Variants in PNKD observed in about 807,000 individuals in gnomAD.
PNKD encodes PNKD metallo-beta-lactamase domain containing.
PNKD carries 36 observed loss-of-function variants against 45.3 expected under a neutral mutation model. The observed-to-expected ratio is 0.80, with a 90% CI of 0.61 to 1.05. The LOEUF is 1.05. PNKD is among the 50% of genes least tolerant of loss of function. The probability of loss-of-function intolerance (pLI) is 0.00; values close to 1 mark genes in which losing one functional copy is unlikely to be tolerated. For synonymous variants in PNKD, 197 were observed against 210.1 expected (o/e 0.94, Z 0.54); for missense variants, 511 against 506.6 (o/e 1.01, Z -0.08).
intron 2 of PNKD, among the ~76,000 whole-genome samples, chr2:218,300,953 A>G (rs1171147043): frequency 6.6e-6 from 1 of 152,204 alleles, no homozygotes; most frequent in Non-Finnish European, 1.5e-5. Flanking sequence ...GAAATATAGG[A>G]TCTGTATTTA....
In PNKD at chr2:218,271,407, A is replaced by G; in HGVS notation, c.94A>G (p.Lys32Glu). The change falls in exon 2 of 10, where the codon AAG becomes GAG. Residue 32 changes from lysine (K) to glutamate (E), a missense_variant. By Grantham distance (56) the Lys-to-Glu change is moderately conservative (BLOSUM62 1). Coordinates refer to ENST00000273077, the MANE Select transcript of PNKD (RefSeq NM_015488.5). ...GATTCTCGCAGGAGCCACAGCTAAC[A>G]AGGCTTCTCATAACAGGACCCGGGC... ...RGILAGATAN[K>E]ASHNRTRALQ... 1.2e-6 allele frequency: 2 copies of G among 1,613,804 alleles called. No individual in the cohort carries two copies. Among genetic ancestry groups the G allele is most frequent in the Non-Finnish European group, 1.7e-6 (2 of 1,179,740 alleles).
chr2:218,314,008 G>A (rs908719047), intron 2 of PNKD, among the ~76,000 whole-genome samples: 35 of 138,260 alleles, frequency 2.5e-4, no homozygotes, highest in African/African-American at 9.4e-4. Flanking sequence ...CACAACCTCC[G>A]CCTCCCAGGT....
chr2:218,318,400 C>G (rs1364039174), intron 2 of PNKD: 1 of 152,278 alleles, frequency 6.6e-6, no homozygotes, highest in Non-Finnish European at 1.5e-5. Context: ...AGCCATGGTT[C>G]TCCTGCAGCT....
intron 2 of PNKD, among the ~76,000 whole-genome samples, chr2:218,312,462 A>G (rs1693641961): frequency 6.6e-6 from 1 of 151,838 alleles, no homozygotes; most frequent in African/African-American, 2.4e-5. Flanking sequence ...CTTGAAGGCT[A>G]TGGCTATTCA....
At chr2:218,289,635 A>AAC (rs1692799692) in intron 2 of PNKD, among the ~76,000 whole-genome samples, 1 of 150,932 alleles carries the variant, frequency 6.6e-6, no homozygotes. Context: ...GAAAAAAAAA[A>AAC]AAAAAAAAAA....
At chr2:218,275,566 G>A (rs1419051226) in intron 2 of PNKD, 11 of 1,613,920 alleles carry the variant, frequency 6.8e-6, no homozygotes, top group African/African-American at 1.3e-5. Context: ...GTAGTCCTCG[G>A]GGCTGATGGT....
In PNKD at chr2:218,270,532, G is replaced by A; in HGVS notation, c.-4G>A. 8.1e-7 allele frequency: 1 copy of A among 1,232,866 alleles called. No homozygotes were observed. Among genetic ancestry groups the A allele is most frequent in the East Asian group, 3.0e-5 (1 of 33,396 alleles). 76.4% of individuals were successfully genotyped at this position (1,232,866 alleles called of 1,614,324 possible). On this transcript the variant is annotated 5_prime_UTR_variant, in exon 1 of 10. Coordinates refer to ENST00000273077, the MANE Select transcript of PNKD (RefSeq NM_015488.5). The stretch of plus-strand genomic sequence containing the variant: ...GCGCGGTGAAGCGGGGGTGGGATCT[G>A]AACATGGCGGCGGTGGTAGCTGCTA...
chr2:218,298,977 C>T (rs1693208206), intron 2 of PNKD, among the ~76,000 whole-genome samples: 1 of 152,142 alleles, frequency 6.6e-6, no homozygotes, highest in Admixed American at 6.5e-5. Flanking sequence ...ACTGCACCCC[C>T]TCCATAATCT....
intron 2 of PNKD, among the ~76,000 whole-genome samples, chr2:218,303,987 G>A (rs956575174): frequency 1.3e-5 from 2 of 152,090 alleles, no homozygotes; most frequent in African/African-American, 4.8e-5. Flanking sequence ...TGGGCTCTTG[G>A]TCCTCCAGCT....
At chr2:218,337,590 T>C (rs980033359) in intron 2 of PNKD, among the ~76,000 whole-genome samples, 17 of 152,232 alleles carry the variant, frequency 1.1e-4, no homozygotes, top group African/African-American at 4.1e-4. Flanking sequence ...CTTTGTGCAC[T>C]TGAAGCACGT....
intron 9 of PNKD, 54 bp from the exon 10 acceptor site, chr2:218,344,754 C>A: frequency 6.3e-7 from 1 of 1,576,152 alleles, no homozygotes; most frequent in Non-Finnish European, 8.7e-7. Flanking sequence ...GCTTCTCTGT[C>A]TTGGGTCCAT....
At chr2:218,289,466 A>C (rs984671336) in intron 2 of PNKD, among the ~76,000 whole-genome samples, 2 of 151,638 alleles carry the variant, frequency 1.3e-5, no homozygotes, top group Non-Finnish European at 2.9e-5. Flanking sequence ...ACATGGTGAA[A>C]CCTCGTCTCT....
At chr2:218,296,334 G>A (rs1693138987) in intron 2 of PNKD, among the ~76,000 whole-genome samples, 1 of 152,192 alleles carries the variant, frequency 6.6e-6, no homozygotes, top group Non-Finnish European at 1.5e-5. Context: ...GGGTGGAGGA[G>A]TGAAAGGGAT....
intron 2 of PNKD, among the ~76,000 whole-genome samples, chr2:218,285,547 A>C (rs1032971839): frequency 1.1e-4 from 16 of 152,314 alleles, no homozygotes; most frequent in African/African-American, 3.8e-4. Flanking sequence ...TTGGAGATAC[A>C]TAAAGGTCAG....
At chr2:218,332,913 C>T (rs1258760342) in intron 2 of PNKD, among the ~76,000 whole-genome samples, 1 of 152,172 alleles carries the variant, frequency 6.6e-6, no homozygotes, top group African/African-American at 2.4e-5. Flanking sequence ...CAGCCCTGCC[C>T]AAAGACTCCG....
At chr2:218,276,351 A>G (rs978999678) in intron 2 of PNKD, among the ~76,000 whole-genome samples, 7 of 152,216 alleles carry the variant, frequency 4.6e-5, no homozygotes, top group Non-Finnish European at 8.8e-5. Context: ...CTAGAAAAAA[A>G]GCAGTTGAGT....
chr2:218,279,186 C>A (rs1691588799), intron 2 of PNKD: 2 of 1,582,288 alleles, frequency 1.3e-6, no homozygotes, highest in African/African-American at 1.3e-5. Context: ...CTCTAATTGC[C>A]CATGGTCACC....
At chr2:218,302,120 C>T (rs1403777356) in intron 2 of PNKD, among the ~76,000 whole-genome samples, 3 of 152,104 alleles carry the variant, frequency 2.0e-5, no homozygotes, top group African/African-American at 7.2e-5. Context: ...GAGGCCGAGG[C>T]AGGCAGATCA....
intron 2 of PNKD, among the ~76,000 whole-genome samples, chr2:218,276,584 C>G (rs1467446895): frequency 6.6e-6 from 1 of 152,206 alleles, no homozygotes. Context: ...CCATCCTTCC[C>G]CTTCGGCACT....
Sources: gnomAD v4.1 joint callset for allele counts (sites outside exome capture counted in the v4.1 genomes callset) on GRCh38, gnomAD v4.1.1 for gene constraint, MANE v1.5 for transcripts, NCBI Gene and HGNC (gene_info 2026-07-23, HGNC 2026-07-21) for gene names.